Variants in ARIH2 observed in about 807,000 individuals in gnomAD.
ARIH2 encodes E3 ubiquitin-protein ligase ARIH2.
A neutral mutation model predicts 79.8 loss-of-function variants in ARIH2; 12 were observed. That is an observed-to-expected ratio of 0.15 (90% CI 0.10 to 0.24). ARIH2 has a LOEUF of 0.24. Ranked by LOEUF, ARIH2 falls within the 10% of genes least tolerant of loss-of-function variation. ARIH2 has a pLI of 1.00. For missense variants in ARIH2, 301 were observed against 618.3 expected, an observed-to-expected ratio of 0.49 and a Z score of 5.44; for synonymous variants, 224 against 213.9, an observed-to-expected ratio of 1.05 and a Z score of -0.41.
chr3:48,983,444 T>C lies in ARIH2; in HGVS notation c.*174T>C, dbSNP rs2092819889. On this transcript the variant is annotated 3_prime_UTR_variant, in exon 16 of 16. Coordinates refer to ENST00000356401, the MANE Select transcript of ARIH2 (RefSeq NM_006321.4). Reference sequence around the variant, plus strand: ...TTTCTGTTTTCTTCTCTTTTCACTTTTTGTTTCTACCAGGGTAGAGGCCAT... The same window carrying C: ...TTTCTGTTTTCTTCTCTTTTCACTTCTTGTTTCTACCAGGGTAGAGGCCAT... 1 of 650,478 alleles carries C rather than the reference T, an allele frequency of 1.5e-6. No homozygotes were observed. The highest frequency in any genetic ancestry group is 2.7e-6 in the Non-Finnish European group (1 of 371,292). The allele number at this position is 650,478 out of a possible 1,614,324, so 40.3% of individuals were successfully genotyped here. A position where few individuals can be genotyped will look rare whatever the true frequency, so the allele number is the denominator to read the frequency against.
intron 4 of ARIH2, among the ~76,000 whole-genome samples, chr3:48,962,586 G>A (rs1400600744): frequency 3.3e-5 from 5 of 152,110 alleles, no homozygotes; most frequent in Non-Finnish European, 5.9e-5. Flanking sequence ...CCTCGGAGGC[G>A]TGTGCCCCTG....
At chr3:48,936,945 G>A (rs1185616877) in intron 3 of ARIH2, among the ~76,000 whole-genome samples, 3 of 147,378 alleles carry the variant, frequency 2.0e-5, no homozygotes, top group Non-Finnish European at 4.5e-5. Flanking sequence ...GGAGAATGGC[G>A]TGAACCCGGG....
At chr3:48,977,176 T>G (rs2092553817) in intron 11 of ARIH2, among the ~76,000 whole-genome samples, 2 of 151,802 alleles carry the variant, frequency 1.3e-5, no homozygotes, top group Non-Finnish European at 2.9e-5. Flanking sequence ...CACTCCAGCC[T>G]GGGCAACAGA....
chr3:48,947,870 A>G (rs948926979), intron 3 of ARIH2, among the ~76,000 whole-genome samples: 1 of 152,200 alleles, frequency 6.6e-6, no homozygotes, highest in Non-Finnish European at 1.5e-5. Flanking sequence ...TTATCTGTCC[A>G]TCAGTCAACT....
At chr3:48,961,490 G>A in intron 3 of ARIH2, 122 bp from the exon 4 acceptor site, 1 of 553,924 alleles carries the variant, frequency 1.8e-6, no homozygotes, top group Middle Eastern at 2.8e-4. Flanking sequence ...ACCAAGAGGA[G>A]GAATTTGGTA....
chr3:48,963,799 G>C (rs1415483138), intron 4 of ARIH2, among the ~76,000 whole-genome samples: 7 of 152,156 alleles, frequency 4.6e-5, no homozygotes, highest in Non-Finnish European at 8.8e-5. Flanking sequence ...CAATGGTCCT[G>C]TATTATTAAG....
chr3:48,958,493 C>T (rs1259832925), intron 3 of ARIH2, among the ~76,000 whole-genome samples: 1 of 151,612 alleles, frequency 6.6e-6, no homozygotes, highest in Non-Finnish European at 1.5e-5. Context: ...TGGTGGATCA[C>T]GAGGTCAGGA....
intron 2 of ARIH2, chr3:48,927,034 G>GTAC: frequency 6.3e-6 from 1 of 158,916 alleles, no homozygotes; most frequent in East Asian, 1.8e-4. Flanking sequence ...TCCTATTTAT[G>GTAC]TACTGTCTGT....
At chr3:48,941,907 A>T (rs1281785054) in intron 3 of ARIH2, among the ~76,000 whole-genome samples, 31 of 149,712 alleles carry the variant, frequency 2.1e-4, no homozygotes, top group Non-Finnish European at 4.3e-4. Flanking sequence ...TTTGTTTGAG[A>T]TGAAGTCTCA....
At chr3:48,931,407 G>C (rs2086338766) in intron 3 of ARIH2, among the ~76,000 whole-genome samples, 1 of 151,988 alleles carries the variant, frequency 6.6e-6, no homozygotes, top group Non-Finnish European at 1.5e-5. Context: ...AAATTAGTCG[G>C]GTGTGGTGAC....
At chr3:48,939,843 G>A (rs1289606386) in intron 3 of ARIH2, among the ~76,000 whole-genome samples, 1 of 146,332 alleles carries the variant, frequency 6.8e-6, no homozygotes, top group Non-Finnish European at 1.5e-5. Flanking sequence ...ACCATTTAAA[G>A]TATACAATTC....
Position 48,927,585 on chromosome 3 carries a change from G to C in ARIH2, c.27G>C (p.Gly9=). The C allele has an allele frequency of 6.2e-7, 1 of 1,614,116 alleles. No individual in the cohort carries two copies. Among genetic ancestry groups the C allele is most frequent in the Non-Finnish European group, 8.5e-7 (1 of 1,180,016 alleles). The change falls in exon 3 of 16, where the codon GGG becomes GGC. Residue 9 remains glycine (G), a synonymous_variant. Transcript: ENST00000356401. ...TGTCAGTGGACATGAATAGCCAGGG[G>C]TCTGACAGCAATGAAGAGGACTATG... MSVDMNSQ[G]SDSNEEDYDP...
In ARIH2 at chr3:48,983,234, G is replaced by A. The variant is rs1437016594; in HGVS notation, c.1446G>A (p.Arg482=). Residue 482 remains arginine, a synonymous_variant, in exon 16 of 16, where the codon CGG becomes CGA. Transcript: ENST00000356401. ...ACCAGATGCATATAGCGGAGCAGCGGAGGAGAACCCTGCTGAAAGATTTCC... is the reference window on the plus strand; with the variant it reads ...ACCAGATGCATATAGCGGAGCAGCGAAGGAGAACCCTGCTGAAAGATTTCC... ...LENQMHIAEQ[R]RRTLLKDFHD... is the part of the protein sequence containing the mutation. 6 of 1,614,240 alleles carry A rather than the reference G, an allele frequency of 3.7e-6. No individual in the cohort carries two copies. The South Asian group carries it at 6.6e-5, about 18-fold the overall frequency.
chr3:48,933,750 A>G (rs2086726169), intron 3 of ARIH2, among the ~76,000 whole-genome samples: 1 of 149,806 alleles, frequency 6.7e-6, no homozygotes, highest in African/African-American at 2.5e-5. Context: ...ACGGGCTTTC[A>G]CCTTGTTTGC....
chr3:48,964,318 ATT>A (rs572736862), intron 4 of ARIH2, among the ~76,000 whole-genome samples: 3 of 136,784 alleles, frequency 2.2e-5, no homozygotes, highest in Non-Finnish European at 1.6e-5. Flanking sequence ...TATATATAGA[ATT>A]TTTTTTTTTT....
chr3:48,947,965 G>T (rs567380439), intron 3 of ARIH2, among the ~76,000 whole-genome samples: 1 of 151,548 alleles, frequency 6.6e-6, no homozygotes, highest in South Asian at 2.1e-4. Context: ...TTTTTATTTT[G>T]TTTATTTATT....
In ARIH2 at chr3:48,935,734, G is replaced by A. The variant is rs576408627; in HGVS notation, c.255+7921G>A. Among the ~76,000 whole-genome samples, 5 of 152,258 alleles carry A rather than the reference G, an allele frequency of 3.3e-5. 1 individual carries two copies. In the South Asian group the frequency reaches 6.2e-4, roughly 19 times the overall value. On this transcript the variant is annotated intron_variant, in intron 3 of 15. Coordinates refer to ENST00000356401, the MANE Select transcript of ARIH2 (RefSeq NM_006321.4). ...TGCCTGGAACATGAATGTTCAAATC[G>A]ATTTTGCTTGGTCATGGTAGAAGCG...
chr3:48,962,677 A>T (rs2107541867), intron 4 of ARIH2, among the ~76,000 whole-genome samples: 1 of 152,212 alleles, frequency 6.6e-6, no homozygotes, highest in East Asian at 1.9e-4. Context: ...CTGATCTGTG[A>T]ATTGTAGGAT....
intron 13 of ARIH2, among the ~76,000 whole-genome samples, chr3:48,980,947 G>A (rs2092721381): frequency 7.0e-6 from 1 of 142,250 alleles, no homozygotes; most frequent in Non-Finnish European, 1.5e-5. Flanking sequence ...CTTGAACCTG[G>A]GAGTCAGAGG....
Sources: gnomAD v4.1 joint callset for allele counts (sites outside exome capture counted in the v4.1 genomes callset) on GRCh38, gnomAD v4.1.1 for gene constraint, MANE v1.5 for transcripts, NCBI Gene and HGNC (gene_info 2026-07-23, HGNC 2026-07-21) for gene names.